Variants in CDH4 observed in about 807,000 individuals in gnomAD.
The protein encoded by CDH4 is cadherin-4.
Under a neutral mutation model 86.0 loss-of-function variants are expected in CDH4, and 33 were observed. The ratio of observed to expected loss-of-function variants is 0.38; its 90% CI spans 0.29 to 0.51. CDH4 has a LOEUF of 0.51. Among genes scored for constraint, CDH4 ranks in the 20% least tolerant of loss-of-function variants. The pLI, the probability that CDH4 is intolerant of heterozygous loss-of-function variation, is 0.86. For missense variants in CDH4, 1,114 were observed against 1,307.4 expected, an observed-to-expected ratio of 0.85 and a Z score of 2.28; for synonymous variants, 555 against 549.4, an observed-to-expected ratio of 1.01 and a Z score of -0.14.
chr20:61,262,262 C>T (rs536873163), intron 2 of CDH4, among the ~76,000 whole-genome samples: 96 of 152,270 alleles, frequency 6.3e-4, no homozygotes, highest in Non-Finnish European at 1.2e-3. Context: ...CTGAGGCTGC[C>T]GTGGCCTTTC....
intron 2 of CDH4, among the ~76,000 whole-genome samples, chr20:61,486,325 G>A (rs960738700): frequency 6.6e-6 from 1 of 152,224 alleles, no homozygotes; most frequent in Non-Finnish European, 1.5e-5. Flanking sequence ...CCCAGCCTGT[G>A]GGTGGGGGCT....
At chr20:61,893,311 T>TAAATG (rs1984926365) in intron 7 of CDH4, among the ~76,000 whole-genome samples, 1 of 13,346 alleles carries the variant, frequency 7.5e-5, no homozygotes, top group Non-Finnish European at 1.6e-4. Flanking sequence ...GATGGGTGGG[T>TAAATG]GAATAGAGTG....
rs545283699 is a variant in CDH4, at chr20:61,362,314, C to T, written c.169+107377C>T. Among the ~76,000 whole-genome samples, 5 of 151,998 alleles carry T rather than the reference C, an allele frequency of 3.3e-5. No individual in the cohort carries two copies. The East Asian group carries it at 5.8e-4, about 18-fold the overall frequency. ...GAGTATTCAGCAGGGAAGGGGAGAG[C>T]GGAGACGTGGCCTAGGACAGCGTAG... On this transcript the variant is annotated intron_variant, in intron 2 of 15. Coordinates refer to ENST00000614565, the MANE Select transcript of CDH4 (RefSeq NM_001794.5).
intron 2 of CDH4, among the ~76,000 whole-genome samples, chr20:61,499,176 T>G (rs1449988311): frequency 2.0e-5 from 3 of 152,082 alleles, no homozygotes; most frequent in Admixed American, 1.3e-4. Flanking sequence ...TGCCTGTGGT[T>G]GTGTTTTCGT....
intron 2 of CDH4, among the ~76,000 whole-genome samples, chr20:61,537,715 G>T (rs2086008156): frequency 6.6e-6 from 1 of 152,162 alleles, no homozygotes; most frequent in African/African-American, 2.4e-5. Flanking sequence ...TTTCTGTGCA[G>T]ACTCAAAAGG....
chr20:61,839,917 G>A (rs1215718650), intron 4 of CDH4, among the ~76,000 whole-genome samples: 1 of 151,248 alleles, frequency 6.6e-6, no homozygotes, highest in African/African-American at 2.4e-5. Flanking sequence ...GTGTGTGTGT[G>A]TCATGTGTAC....
At chr20:61,657,673 A>G (rs956585688) in intron 2 of CDH4, among the ~76,000 whole-genome samples, 1 of 152,250 alleles carries the variant, frequency 6.6e-6, no homozygotes, top group Admixed American at 6.5e-5. Flanking sequence ...GGCTTTGTGC[A>G]TTGACATCTG....
intron 4 of CDH4, among the ~76,000 whole-genome samples, chr20:61,783,833 T>G (rs1204633729): frequency 2.9e-5 from 2 of 68,804 alleles, no homozygotes; most frequent in African/African-American, 6.0e-5. Context: ...TCCCAGTTCC[T>G]CGGGACAGTT....
At chr20:61,509,261 C>T (rs532058776) in intron 2 of CDH4, among the ~76,000 whole-genome samples, 4 of 150,462 alleles carry the variant, frequency 2.7e-5, no homozygotes, top group Non-Finnish European at 4.4e-5. Flanking sequence ...AGAGCCCCAC[C>T]GTCAGCCAGC....
chr20:61,548,571 A>C (rs2086105454), intron 2 of CDH4, among the ~76,000 whole-genome samples: 2 of 152,136 alleles, frequency 1.3e-5, no homozygotes, highest in Admixed American at 1.3e-4. Context: ...GTTGCATTTT[A>C]GTGGCTTAAA....
chr20:61,830,890 CCT>C (rs1232252041), intron 4 of CDH4, among the ~76,000 whole-genome samples: 1 of 152,210 alleles, frequency 6.6e-6, no homozygotes, highest in East Asian at 1.9e-4. Context: ...CTCCTGATGC[CCT>C]GTTTGTTGAT....
rs577307387 is a variant in CDH4, at chr20:61,626,600, T to A, written c.170-116963T>A. Among the ~76,000 whole-genome samples, 30 of 152,264 alleles carry A rather than the reference T, an allele frequency of 2.0e-4. No individual in the cohort carries two copies. In the East Asian group the frequency reaches 5.0e-3, roughly 26 times the overall value. On this transcript the variant is annotated intron_variant, in intron 2 of 15. Transcript: ENST00000614565. ...GCTGGCTGGCGCCCGGCCTTGCCAG[T>A]CCATTCTGCTGGGTCAGGCCTTTTT...
intron 2 of CDH4, among the ~76,000 whole-genome samples, chr20:61,616,066 TCA>T: frequency 6.6e-6 from 1 of 152,294 alleles, no homozygotes; most frequent in East Asian, 1.9e-4. Flanking sequence ...CCTTGGGAAC[TCA>T]GAGTGAGCCC....
rs546548531 is a variant in CDH4, at chr20:61,886,834, C to A, written c.1051-8076C>A. 1.3e-4 allele frequency among the ~76,000 whole-genome samples: 20 copies of A among 152,310 alleles called. No homozygotes were observed. The South Asian group carries it at 3.9e-3, about 30-fold the overall frequency. On this transcript the variant is annotated intron_variant, in intron 7 of 15. Coordinates refer to ENST00000614565, the MANE Select transcript of CDH4 (RefSeq NM_001794.5). ...CTTGGAGGACTGCACACAGCGAGGC[C>A]TGTTGGGGCACCGGGAGGAGGTGCC... is the stretch of plus-strand genomic sequence containing the variant.
intron 3 of CDH4, among the ~76,000 whole-genome samples, chr20:61,760,023 C>G (rs930457413): frequency 6.6e-6 from 1 of 152,230 alleles, no homozygotes; most frequent in African/African-American, 2.4e-5. Context: ...CATTCTGGAA[C>G]CTCCTTTCTT....
intron 4 of CDH4, among the ~76,000 whole-genome samples, chr20:61,803,855 A>G (rs1979971728): frequency 6.6e-6 from 1 of 152,254 alleles, no homozygotes. Context: ...CCACCCAGGA[A>G]GGACAGGAGA....
At chr20:61,466,079 T>G (rs1248152422) in intron 2 of CDH4, among the ~76,000 whole-genome samples, 2 of 152,202 alleles carry the variant, frequency 1.3e-5, no homozygotes, top group African/African-American at 4.8e-5. Context: ...TTGCATAGAA[T>G]GTGTTCCTGT....
chr20:61,317,921 A>G (rs1310402190), intron 2 of CDH4, among the ~76,000 whole-genome samples: 1 of 152,206 alleles, frequency 6.6e-6, no homozygotes, highest in Non-Finnish European at 1.5e-5. Context: ...GGAAAAACAG[A>G]ATGATCCAGC....
chr20:61,420,751 CAG>C (rs2085173085), intron 2 of CDH4, among the ~76,000 whole-genome samples: 1 of 152,248 alleles, frequency 6.6e-6, no homozygotes, highest in South Asian at 2.1e-4. Flanking sequence ...GCATGTCCCA[CAG>C]GGGAATAAGG....
Sources: allele counts gnomAD v4.1 joint callset (sites outside exome capture counted in the v4.1 genomes callset), GRCh38; gene constraint gnomAD v4.1.1; transcripts MANE v1.5; gene names NCBI Gene and HGNC (gene_info 2026-07-23, HGNC 2026-07-21).